SFMBT2: variants seen among roughly 807,000 people sequenced by gnomAD.
SFMBT2 encodes the protein scm-like with four MBT domains protein 2.
A neutral mutation model predicts 110.1 loss-of-function variants in SFMBT2; 38 were observed. The ratio of observed to expected loss-of-function variants is 0.35; its 90% CI spans 0.27 to 0.45. SFMBT2 has a LOEUF of 0.45. SFMBT2 is among the 20% of genes least tolerant of loss of function. SFMBT2 has a pLI of 1.00. For missense variants in SFMBT2, 1,011 were observed against 1,094.9 expected, an observed-to-expected ratio of 0.92 and a Z score of 1.08; for synonymous variants, 425 against 425.4, an observed-to-expected ratio of 1.00 and a Z score of 0.01.
rs183367608 is a variant in SFMBT2, at chr10:7,162,291, G to A, written c.*1479C>T. ...TTCTTTCTTTTTCTAATTTTTGTAC[G>A]ATCTGGATCTTCCTTTCCAGCATGA... On this transcript the variant is annotated 3_prime_UTR_variant, in exon 21 of 21. Transcript: ENST00000397167. The A allele has an allele frequency of 1.3e-5, 2 of 151,242 alleles. No individual in the cohort carries two copies. The highest frequency in any genetic ancestry group is 2.1e-4 in the South Asian group (1 of 4,830). 9.4% of individuals were successfully genotyped at this position (151,242 alleles called of 1,614,324 possible). A position where few individuals can be genotyped will look rare whatever the true frequency, so the allele number is the denominator to read the frequency against.
intron 6 of SFMBT2, among the ~76,000 whole-genome samples, chr10:7,278,741 T>G (rs531888355): frequency 6.6e-6 from 1 of 152,138 alleles, no homozygotes; most frequent in African/African-American, 2.4e-5. Flanking sequence ...TCAGGACTAG[T>G]TATACCCTTG....
At chr10:7,228,766 CT>C in intron 9 of SFMBT2, among the ~76,000 whole-genome samples, 1 of 134,170 alleles carries the variant, frequency 7.5e-6, no homozygotes, top group African/African-American at 2.6e-5. Context: ...CTCTCTCTCT[CT>C]CTCTCTCTCT....
intron 2 of SFMBT2, among the ~76,000 whole-genome samples, chr10:7,371,313 CAG>C (rs1845059583): frequency 6.6e-6 from 1 of 152,080 alleles, no homozygotes; most frequent in African/African-American, 2.4e-5. Context: ...TTAGTAGAGA[CAG>C]AGTTTCACTA....
chr10:7,376,810 C>T (rs1845230981), intron 2 of SFMBT2, among the ~76,000 whole-genome samples: 1 of 122,288 alleles, frequency 8.2e-6, no homozygotes, highest in Non-Finnish European at 1.6e-5. Flanking sequence ...GGGGGCATCA[C>T]TGCAAGGAAT....
At position 7,279,193 on chromosome 10, in the gene SFMBT2, TG is replaced by T. The variant is rs111585244; in HGVS notation, c.773-2205del. On this transcript the variant is annotated intron_variant, in intron 6 of 20. Transcript: ENST00000397167. ...ATGAGAACTCACGGAGAGGATGCTC[TG>T]GCCCCAGTGGGGTTGCCTGCACGCT... Among the ~76,000 whole-genome samples, 755 of 152,258 alleles carry T rather than the reference TG, an allele frequency of 5.0e-3. 4 individuals carry two copies. The highest frequency in any genetic ancestry group is 0.017 in the African/African-American group (718 of 41,550).
At chr10:7,275,765 AG>A (rs752238949) in intron 7 of SFMBT2, among the ~76,000 whole-genome samples, 4 of 152,252 alleles carry the variant, frequency 2.6e-5, no homozygotes, top group Non-Finnish European at 5.9e-5. Flanking sequence ...ACTGAATGAA[AG>A]GGTCAATGAT....
chr10:7,189,753 C>T (rs572919542), intron 15 of SFMBT2, among the ~76,000 whole-genome samples: 59 of 152,310 alleles, frequency 3.9e-4, no homozygotes, highest in Admixed American at 8.5e-4. Flanking sequence ...GGAAGGAGCA[C>T]GCCAGGCATG....
chr10:7,284,240 C>T (rs1242075483), intron 5 of SFMBT2, 90 bp from the exon 6 acceptor site: 27 of 1,538,060 alleles, frequency 1.8e-5, no homozygotes, highest in Non-Finnish European at 2.3e-5. Context: ...TATTTTTTCA[C>T]ACCATCATCC....
At chr10:7,331,025 C>T (rs1843546001) in intron 4 of SFMBT2, among the ~76,000 whole-genome samples, 1 of 152,232 alleles carries the variant, frequency 6.6e-6, no homozygotes, top group South Asian at 2.1e-4. Flanking sequence ...TCCCTCAATG[C>T]CTGGCCTAGC....
At chr10:7,375,991 A>G (rs575760841) in intron 2 of SFMBT2, among the ~76,000 whole-genome samples, 1 of 152,316 alleles carries the variant, frequency 6.6e-6, no homozygotes, top group African/African-American at 2.4e-5. Context: ...AATGCCAAGA[A>G]GAAGAATCAA....
At chr10:7,256,985 C>T (rs2692773) in intron 7 of SFMBT2, among the ~76,000 whole-genome samples, 1 of 151,726 alleles carries the variant, frequency 6.6e-6, no homozygotes, top group Admixed American at 6.6e-5. Flanking sequence ...CCAGCTACTG[C>T]GGAGGCTGAG....
rs1345586003 is a variant in SFMBT2 at position 7,298,343 on chromosome 10, G to A, written c.437-12389C>T. 2.6e-5 allele frequency among the ~76,000 whole-genome samples: 4 copies of A among 152,130 alleles called. No individual in the cohort carries two copies. In the South Asian group the frequency reaches 6.2e-4, roughly 24 times the overall value. On this transcript the variant is annotated intron_variant, in intron 4 of 20. Transcript: ENST00000397167. Reference sequence around the variant, plus strand: ...AGACTGAGACCTCCACCCTGTGCACGTGATCTAGTCCAACTGATGCTCAGA... The same window carrying A: ...AGACTGAGACCTCCACCCTGTGCACATGATCTAGTCCAACTGATGCTCAGA...
chr10:7,264,434 T>C (rs1265787965), intron 7 of SFMBT2, among the ~76,000 whole-genome samples: 1 of 152,202 alleles, frequency 6.6e-6, no homozygotes, highest in Non-Finnish European at 1.5e-5. Context: ...CGGAAGTACT[T>C]AGACCAGGCA....
intron 16 of SFMBT2, 131 bp from the exon 17 acceptor site, chr10:7,176,296 T>G: frequency 9.3e-7 from 1 of 1,072,496 alleles, no homozygotes. Flanking sequence ...GTTTCCCATG[T>G]TGCTTCTGTT....
In SFMBT2 at chr10:7,410,937, TGCTCGCTCGCCCGCCCTTGCCC is replaced by T. The variant is rs1369512247; in HGVS notation, c.-150_-129del. ...CGGGAGGGCACCGGCCTCGCTCGCT[TGCTCGCTCGCCCGCCCTTGCCC>T]GCTCGCTCCCCGCCCGCCGCCTCCC... On this transcript the variant is annotated 5_prime_UTR_variant, in exon 1 of 21. An upstream open reading frame in the 5' UTR gains an earlier in-frame stop. Coordinates refer to ENST00000397167, the MANE Select transcript of SFMBT2 (RefSeq NM_001387889.1). 6.6e-6 allele frequency among the ~76,000 whole-genome samples: 1 copy of T among 151,484 alleles called. No homozygotes were observed. Among genetic ancestry groups the T allele is most frequent in the Non-Finnish European group, 1.5e-5 (1 of 67,794 alleles).
rs1846297790 is a variant in SFMBT2 at position 7,408,981 on chromosome 10, TC to T, written c.-52+1879del. Among the ~76,000 whole-genome samples, 1 of 151,616 alleles carries T rather than the reference TC, an allele frequency of 6.6e-6. No homozygotes were observed. Among genetic ancestry groups the T allele is most frequent in the African/African-American group, 2.4e-5 (1 of 41,222 alleles). ...ATTTCTTCCCCAAACGCTGTCCCCA[TC>T]CCCCACCTTCCCTAGAGCGCGAAAC... On this transcript the variant is annotated intron_variant, in intron 1 of 20. Transcript: ENST00000397167. This position sits in a 1 kb window ranked among gnomAD's most constrained non-coding sequence, Gnocchi z 5.7.
chr10:7,287,663 C>T (rs895260357), intron 4 of SFMBT2, among the ~76,000 whole-genome samples: 5 of 152,206 alleles, frequency 3.3e-5, no homozygotes, highest in Non-Finnish European at 5.9e-5. Context: ...CCACCCAGGA[C>T]TTCACTCAGC....
At chr10:7,363,004 A>T (rs1475711032) in intron 4 of SFMBT2, among the ~76,000 whole-genome samples, 2 of 152,154 alleles carry the variant, frequency 1.3e-5, no homozygotes, top group Non-Finnish European at 2.9e-5. Flanking sequence ...AAACCTAGAC[A>T]TTTCAGACTA....
chr10:7,243,480 T>C, intron 9 of SFMBT2, 78 bp downstream of exon 9: 1 of 824,614 alleles, frequency 1.2e-6, no homozygotes, highest in Non-Finnish European at 2.1e-6. Flanking sequence ...CTCCCCAGAT[T>C]AATGCAGGTG....
Sources: allele counts gnomAD v4.1 joint callset (sites outside exome capture counted in the v4.1 genomes callset), GRCh38; gene constraint gnomAD v4.1.1; non-coding constraint Gnocchi (gnomAD v3.1); transcripts MANE v1.5; gene names NCBI Gene and HGNC (gene_info 2026-07-23, HGNC 2026-07-21).